EFCAB13: variants seen among roughly 807,000 people sequenced by gnomAD.
The protein encoded by EFCAB13 is EF-hand calcium-binding domain-containing protein 13.
In EFCAB13, 91 loss-of-function variants were observed where a neutral mutation model predicts 110.2. The observed-to-expected ratio is 0.83, with a 90% confidence interval of 0.70 to 0.98. The LOEUF is 0.98. EFCAB13 is among the 50% of genes least tolerant of loss of function. The pLI is 0.00. For synonymous variants in EFCAB13, 323 were observed against 369.9 expected, an observed-to-expected ratio of 0.87 and a Z score of 1.45; for missense variants, 968 against 1,119.4, an observed-to-expected ratio of 0.86 and a Z score of 1.93.
At chr17:47,333,097 G>T (rs2065329215) in intron 4 of EFCAB13, among the ~76,000 whole-genome samples, 1 of 152,098 alleles carries the variant, frequency 6.6e-6, no homozygotes, top group African/African-American at 2.4e-5. Flanking sequence ...TTTGATAATA[G>T]CTGTTCTAAC....
intron 14 of EFCAB13, among the ~76,000 whole-genome samples, chr17:47,388,697 G>C (rs1353788597): frequency 6.6e-6 from 1 of 152,106 alleles, no homozygotes; most frequent in African/African-American, 2.4e-5. Flanking sequence ...GGGCTGTTAT[G>C]AATAATACTG....
Position 47,361,462 on chromosome 17 carries a change from T to A in EFCAB13, c.746T>A (p.Met249Lys), listed in dbSNP as rs771828181. 1 of 1,613,324 alleles carries A rather than the reference T, an allele frequency of 6.2e-7. No individual in the cohort carries two copies. Among genetic ancestry groups the A allele is most frequent in the South Asian group, 1.1e-5 (1 of 91,070 alleles). The change falls in exon 10 of 25, where the codon ATG becomes AAG. Residue 249 changes from methionine (M) to lysine (K), a missense_variant. Transcript: ENST00000331493. Reference protein sequence around the residue: ...TDDVFAVLDSMGIPINREILE... With the variant: ...TDDVFAVLDSKGIPINREILE... ...GACGTGTTTGCTGTTTTGGATAGCA[T>A]GGGTATCCCTATAAACCGTGAAATT...
At position 47,429,887 on chromosome 17, in the gene EFCAB13, CATT is replaced by C. The variant is rs1905076591; in HGVS notation, c.2568_2570del (p.Leu857del). The C allele has an allele frequency of 6.2e-7, 1 of 1,612,920 alleles. No individual in the cohort carries two copies. The highest frequency in any genetic ancestry group is 8.5e-7 in the Non-Finnish European group (1 of 1,179,320). Reference sequence around the variant, plus strand: ...CTAGTTGATGTCTCTGACCTCAAGACATTATTGATGGACAAGGACCTTCATACA... The same window carrying C: ...CTAGTTGATGTCTCTGACCTCAAGACATTGATGGACAAGGACCTTCATACA... On this transcript the variant is annotated inframe_deletion, in exon 24 of 25. Transcript: ENST00000331493.
intron 24 of EFCAB13, among the ~76,000 whole-genome samples, chr17:47,434,614 T>C (rs1191907112): frequency 1.3e-5 from 2 of 152,154 alleles, no homozygotes; most frequent in African/African-American, 4.8e-5. Context: ...AGAACAAATC[T>C]GGAGCATCAC....
At chr17:47,388,914 GA>G (rs2065690899) in intron 14 of EFCAB13, among the ~76,000 whole-genome samples, 1 of 148,852 alleles carries the variant, frequency 6.7e-6, no homozygotes. Context: ...CTCAACACTT[GA>G]TTTTTTTTTT....
rs1053360651 is a variant in EFCAB13 at position 47,361,303 on chromosome 17, G to T, written c.662-75G>T. 10 of 1,385,828 alleles carry T rather than the reference G, an allele frequency of 7.2e-6. No homozygotes were observed. In the African/African-American group the frequency reaches 1.3e-4, roughly 18 times the overall value. 85.8% of individuals were successfully genotyped at this position (1,385,828 alleles called of 1,614,324 possible). A position where few individuals can be genotyped will look rare whatever the true frequency, so the allele number is the denominator to read the frequency against. On this transcript the variant is annotated intron_variant, in intron 9 of 24. Coordinates refer to ENST00000331493, the MANE Select transcript of EFCAB13 (RefSeq NM_152347.5). ...ATACAAAGTTATTTTCCCTTAGTAG[G>T]CTATTGACACAAAATCAACTGCTTT...
At chr17:47,434,569 AAG>A in intron 24 of EFCAB13, among the ~76,000 whole-genome samples, 1 of 152,306 alleles carries the variant, frequency 6.6e-6, no homozygotes, top group African/African-American at 2.4e-5. Flanking sequence ...GGAACTAAAA[AAG>A]AGCCTGCATA....
At chr17:47,351,377 T>C (rs929813664) in intron 9 of EFCAB13, among the ~76,000 whole-genome samples, 1 of 151,910 alleles carries the variant, frequency 6.6e-6, no homozygotes, top group Non-Finnish European at 1.5e-5. Flanking sequence ...AGGTTGATTT[T>C]ATGTCTTTGC....
At chr17:47,354,553 T>A (rs1266608943) in intron 9 of EFCAB13, among the ~76,000 whole-genome samples, 3 of 152,206 alleles carry the variant, frequency 2.0e-5, no homozygotes, top group Non-Finnish European at 4.4e-5. Context: ...GGAGCTCCAG[T>A]GTTAGGTGCA....
rs369998568 is a variant in EFCAB13 at position 47,355,835 on chromosome 17, T to G, written c.662-5543T>G. ...ATCCGCCTGCCTTGGCCTCCCAAAG[T>G]GCTGGGATTACTGGCATGAGCCACT... is the stretch of plus-strand genomic sequence containing the variant. On this transcript the variant is annotated intron_variant, in intron 9 of 24. Transcript: ENST00000331493. 4.8e-4 allele frequency among the ~76,000 whole-genome samples: 73 copies of G among 152,194 alleles called. No homozygotes were observed. The East Asian group carries it at 8.9e-3, about 19-fold the overall frequency.
At chr17:47,368,205 G>A (rs556339444) in intron 10 of EFCAB13, among the ~76,000 whole-genome samples, 1 of 152,254 alleles carries the variant, frequency 6.6e-6, no homozygotes, top group South Asian at 2.1e-4. Context: ...GTTTTGATGG[G>A]CAAATTATTT....
intron 9 of EFCAB13, among the ~76,000 whole-genome samples, chr17:47,360,650 TTGGCTTTTG>T (rs1734042695): frequency 6.6e-6 from 1 of 152,218 alleles, no homozygotes; most frequent in African/African-American, 2.4e-5. Context: ...TTTGTCAATT[TTGGCTTTTG>T]TTGCCATTGC....
chr17:47,353,744 C>T (rs1278149085), intron 9 of EFCAB13, among the ~76,000 whole-genome samples: 1 of 152,160 alleles, frequency 6.6e-6, no homozygotes, highest in Non-Finnish European at 1.5e-5. Context: ...CAGCAGTGAA[C>T]AATATAGATA....
intron 14 of EFCAB13, among the ~76,000 whole-genome samples, chr17:47,388,274 C>T (rs912345133): frequency 2.0e-5 from 3 of 152,300 alleles, no homozygotes; most frequent in East Asian, 1.9e-4. Flanking sequence ...CTCACTTTTT[C>T]CACTGTAGAA....
chr17:47,341,865 TGAAAA>T (rs903096803), intron 5 of EFCAB13, 51 bp from the exon 6 acceptor site: 5 of 1,044,702 alleles, frequency 4.8e-6, no homozygotes, highest in African/African-American at 1.6e-5. Flanking sequence ...AATTAAAAGT[TGAAAA>T]GAATAAGTAA....
intron 14 of EFCAB13, among the ~76,000 whole-genome samples, chr17:47,388,915 AT>A (rs111951092): frequency 0.076 from 11,269 of 148,258 alleles, 497 homozygotes; most frequent in East Asian, 0.18. Flanking sequence ...TCAACACTTG[AT>A]TTTTTTTTTT....
At chr17:47,438,680 T>G (rs1290302567) in intron 24 of EFCAB13, among the ~76,000 whole-genome samples, 1 of 152,080 alleles carries the variant, frequency 6.6e-6, no homozygotes, top group Admixed American at 6.6e-5. Flanking sequence ...CCCTTGACTA[T>G]TTCCCCCTTC....
chr17:47,364,295 TAA>T (rs2065533384), intron 10 of EFCAB13, among the ~76,000 whole-genome samples: 1 of 152,128 alleles, frequency 6.6e-6, no homozygotes, highest in Non-Finnish European at 1.5e-5. Context: ...TTTCTATATA[TAA>T]GATAGATATC....
chr17:47,413,936 C>G (rs1156681824), intron 22 of EFCAB13, among the ~76,000 whole-genome samples: 1 of 152,012 alleles, frequency 6.6e-6, no homozygotes, highest in East Asian at 1.9e-4. Flanking sequence ...ACATTTAAAT[C>G]AAGCACCTAG....
Sources: gnomAD v4.1 joint callset for allele counts (sites outside exome capture counted in the v4.1 genomes callset) on GRCh38, gnomAD v4.1.1 for gene constraint, MANE v1.5 for transcripts, NCBI Gene and HGNC (gene_info 2026-07-23, HGNC 2026-07-21) for gene names.